The following PLA2G7 variants were observed in gnomAD, a reference collection of about 807,000 sequenced individuals.
PLA2G7 encodes the protein platelet-activating factor acetylhydrolase.
A neutral mutation model predicts 49.6 loss-of-function variants in PLA2G7; 63 were observed. The ratio of observed to expected loss-of-function variants is 1.27; its 90% CI spans 1.04 to 1.57. The LOEUF (loss-of-function observed/expected upper bound fraction) is 1.57. Among genes scored for constraint, PLA2G7 ranks in the 40% most tolerant of loss-of-function variants. The pLI is 0.00. For missense variants in PLA2G7, 596 were observed against 521.2 expected (o/e 1.14, Z -1.40); for synonymous variants, 193 against 169.9 (o/e 1.14, Z -1.06).
At chr6:46,730,276 C>T (rs1050142385) in intron 1 of PLA2G7, among the ~76,000 whole-genome samples, 6 of 152,206 alleles carry the variant, frequency 3.9e-5, no homozygotes, top group African/African-American at 1.4e-4. Flanking sequence ...AGTTCCTAAA[C>T]ATGTTCTATG....
In PLA2G7 at chr6:46,724,848, G is replaced by A. The variant is rs150399441; in HGVS notation, c.-34-1923C>T. Among the ~76,000 whole-genome samples the A allele has an allele frequency of 4.4e-3, 674 of 152,308 alleles. 2 individuals are homozygous for A. Among genetic ancestry groups the A allele is most frequent in the South Asian group, 0.018 (88 of 4,828 alleles). ...GAAATTTCCAGGTGAAGCTGTTATT[G>A]CCTTAATGGAGCACAGCATGGCCTA... On this transcript the variant is annotated intron_variant, in intron 1 of 11. Coordinates refer to ENST00000274793, the MANE Select transcript of PLA2G7 (RefSeq NM_005084.4).
chr6:46,734,413 TGTGAGAGA>T, intron 1 of PLA2G7, among the ~76,000 whole-genome samples: 1 of 56,710 alleles, frequency 1.8e-5, no homozygotes, highest in East Asian at 3.8e-4. Context: ...TGTGTGTGTG[TGTGAGAGA>T]GAGAGAGAGA....
intron 1 of PLA2G7, among the ~76,000 whole-genome samples, chr6:46,734,612 G>C (rs1479660962): frequency 6.6e-6 from 1 of 151,968 alleles, no homozygotes; most frequent in Non-Finnish European, 1.5e-5. Context: ...CACGAGGTCA[G>C]GAGATCGAGA....
At chr6:46,725,776 T>A (rs1765553233) in intron 1 of PLA2G7, among the ~76,000 whole-genome samples, 1 of 152,168 alleles carries the variant, frequency 6.6e-6, no homozygotes, top group African/African-American at 2.4e-5. Flanking sequence ...TGCTAACAGA[T>A]TTTTTTCCAG....
Position 46,716,278 on chromosome 6 carries a change from G to A in PLA2G7, c.376+106C>T, listed in dbSNP as rs1582573049. ...TTCCTTATCATTTTAGGAGCTATTT[G>A]GACTGAAGAAAAATCTACTTTGGTC... On this transcript the variant is annotated intron_variant, in intron 4 of 11. Transcript: ENST00000274793. 4 of 1,104,050 alleles carry A rather than the reference G, an allele frequency of 3.6e-6. No individual in the cohort carries two copies. The East Asian group carries it at 9.4e-5, about 26-fold the overall frequency. 68.4% of individuals were successfully genotyped at this position (1,104,050 alleles called of 1,614,324 possible). A position where few individuals can be genotyped will look rare whatever the true frequency, so the allele number is the denominator to read the frequency against.
chr6:46,715,771 T>A (rs1389877267), intron 4 of PLA2G7, among the ~76,000 whole-genome samples: 1 of 152,194 alleles, frequency 6.6e-6, no homozygotes, highest in East Asian at 1.9e-4. Flanking sequence ...AATTTGTAGA[T>A]CGTTTTGAGG....
intron 2 of PLA2G7, among the ~76,000 whole-genome samples, chr6:46,717,826 C>T (rs551986627): frequency 2.0e-5 from 3 of 151,570 alleles, no homozygotes; most frequent in African/African-American, 7.3e-5. Context: ...ATTCTCCTGC[C>T]TCAGCCTCCT....
intron 7 of PLA2G7, 28 bp from the exon 8 acceptor site, chr6:46,710,686 G>T (rs200604584): frequency 1.3e-6 from 2 of 1,523,222 alleles, no homozygotes; most frequent in East Asian, 4.5e-5. Flanking sequence ...AGAAGGAAAT[G>T]ACAAAGTAAA....
At chr6:46,705,359 AG>A in intron 10 of PLA2G7, 58 bp from the exon 11 acceptor site, 1 of 1,408,150 alleles carries the variant, frequency 7.1e-7, no homozygotes, top group African/African-American at 1.4e-5. Context: ...TTATTTTTTT[AG>A]TTAGAGTGTA....
chr6:46,715,783 G>A (rs1765180017), intron 4 of PLA2G7, among the ~76,000 whole-genome samples: 1 of 152,204 alleles, frequency 6.6e-6, no homozygotes, highest in Non-Finnish European at 1.5e-5. Flanking sequence ...GTTTTGAGGG[G>A]TAAATGTGAA....
At position 46,731,250 on chromosome 6, in the gene PLA2G7, C is replaced by A. The variant is rs530631072; in HGVS notation, c.-35+3930G>T. ...TGACACTCTAAAACTTAGTGATAAA[C>A]GAGAGAAAATTCAAGAGCTTCCTCT... On this transcript the variant is annotated intron_variant, in intron 1 of 11. Coordinates refer to ENST00000274793, the MANE Select transcript of PLA2G7 (RefSeq NM_005084.4). Among the ~76,000 whole-genome samples, 9 of 152,210 alleles carry A rather than the reference C, an allele frequency of 5.9e-5. No individual in the cohort carries two copies. In the South Asian group the frequency reaches 1.9e-3, roughly 32 times the overall value.
intron 2 of PLA2G7, among the ~76,000 whole-genome samples, chr6:46,718,535 C>T (rs1765289716): frequency 6.6e-6 from 1 of 152,198 alleles, no homozygotes; most frequent in Admixed American, 6.5e-5. Flanking sequence ...AGTTATACCC[C>T]TTCCTTGTGC....
intron 2 of PLA2G7, among the ~76,000 whole-genome samples, chr6:46,722,208 G>A (rs553547039): frequency 4.6e-5 from 7 of 152,202 alleles, no homozygotes; most frequent in Non-Finnish European, 8.8e-5. Context: ...GAAAGAATGA[G>A]TGATCACATC....
intron 1 of PLA2G7, among the ~76,000 whole-genome samples, chr6:46,727,110 C>T (rs1454310341): frequency 6.6e-6 from 1 of 152,158 alleles, no homozygotes; most frequent in Non-Finnish European, 1.5e-5. Flanking sequence ...ACGGATTCTA[C>T]CTTTCTGCCT....
At chr6:46,706,864 A>G (rs1764847333) in intron 10 of PLA2G7, among the ~76,000 whole-genome samples, 1 of 152,220 alleles carries the variant, frequency 6.6e-6, no homozygotes, top group South Asian at 2.1e-4. Context: ...CTTCCTTACT[A>G]TCTAAACTCT....
chr6:46,722,627 A>G (rs1765436299), intron 2 of PLA2G7, among the ~76,000 whole-genome samples, 156 bp downstream of exon 2: 1 of 152,144 alleles, frequency 6.6e-6, no homozygotes. Flanking sequence ...AATGAGGAAA[A>G]AGTGAGAACC....
At chr6:46,710,280 G>A (rs1472197027) in intron 8 of PLA2G7, among the ~76,000 whole-genome samples, 1 of 152,128 alleles carries the variant, frequency 6.6e-6, no homozygotes, top group African/African-American at 2.4e-5. Context: ...ACTTCCACAG[G>A]AGTTGAGTTG....
intron 10 of PLA2G7, among the ~76,000 whole-genome samples, chr6:46,706,954 A>T (rs565472664): frequency 6.6e-6 from 1 of 152,262 alleles, no homozygotes; most frequent in South Asian, 2.1e-4. Flanking sequence ...CTCTGAGCCC[A>T]TAGTGTTTAT....
At chr6:46,726,369 A>G (rs142027236) in intron 1 of PLA2G7, among the ~76,000 whole-genome samples, 33 of 152,360 alleles carry the variant, frequency 2.2e-4, no homozygotes, top group African/African-American at 7.9e-4. Context: ...GCTTCTGAAT[A>G]TGAACACACA....
Sources: allele counts gnomAD v4.1 joint callset (sites outside exome capture counted in the v4.1 genomes callset), GRCh38; gene constraint gnomAD v4.1.1; transcripts MANE v1.5; gene names NCBI Gene and HGNC (gene_info 2026-07-23, HGNC 2026-07-21).